The following CELF2 variants were observed in gnomAD, a reference collection of about 807,000 sequenced individuals.
CELF2 encodes the protein CUG triplet repeat RNA-binding protein 2.
A neutral mutation model predicts 62.6 loss-of-function variants in CELF2; 8 were observed. That is an observed-to-expected ratio of 0.13 (90% CI 0.07 to 0.23). The LOEUF is 0.23. Ranked by LOEUF, CELF2 falls within the 10% of genes least tolerant of loss-of-function variation. The probability of loss-of-function intolerance (pLI) is 1.00; values close to 1 mark genes in which losing one functional copy is unlikely to be tolerated. For synonymous variants in CELF2, 258 were observed against 250.0 expected, an observed-to-expected ratio of 1.03 and a Z score of -0.30; for missense variants, 333 against 671.0, an observed-to-expected ratio of 0.50 and a Z score of 5.56.
At chr10:10,740,079 T>G in the CELF2 span, among the ~76,000 whole-genome samples, 1 of 152,122 alleles carries the variant, frequency 6.6e-6, no homozygotes, top group East Asian at 1.9e-4. Flanking sequence ...CTTTTCATTG[T>G]GTTGATTGTT....
At chr10:10,779,649 G>A in the CELF2 span, among the ~76,000 whole-genome samples, 3 of 152,112 alleles carry the variant, frequency 2.0e-5, no homozygotes, top group African/African-American at 7.2e-5. Context: ...ATTCATCTGA[G>A]GAGATATTAT....
chr10:10,685,034 G>A, the CELF2 span, among the ~76,000 whole-genome samples: 2 of 152,094 alleles, frequency 1.3e-5, no homozygotes, highest in African/African-American at 2.4e-5. Flanking sequence ...AGACCAAAAT[G>A]TCAGTTTCTT....
intron 9 of CELF2, among the ~76,000 whole-genome samples, chr10:11,304,799 C>T (rs1301459980): frequency 6.6e-6 from 1 of 152,188 alleles, no homozygotes; most frequent in East Asian, 1.9e-4. Flanking sequence ...AACCATAGCA[C>T]ATTCCATCTA....
intron 1 of CELF2, among the ~76,000 whole-genome samples, chr10:10,875,445 T>A (rs914888216): frequency 2.6e-5 from 4 of 152,218 alleles, no homozygotes; most frequent in African/African-American, 4.8e-5. Context: ...TACAGAGTTA[T>A]TATCTTTCAG....
intron 1 of CELF2, among the ~76,000 whole-genome samples, chr10:10,910,615 G>A (rs551650721): frequency 7.0e-6 from 1 of 143,814 alleles, no homozygotes; most frequent in East Asian, 2.1e-4. Context: ...CAAGAGAATC[G>A]CTTGAACCTG....
chr10:10,990,940 C>T lies in CELF2; in HGVS notation c.89+70941C>T, dbSNP rs543267907. On this transcript the variant is annotated intron_variant, in intron 2 of 13. Transcript: ENST00000636488. The surrounding 1 kb of genome is among the most constrained non-coding windows in gnomAD (Gnocchi z 4.6). Reference sequence around the variant, plus strand: ...AATGAAAATGAAATGCATTCCAGTGCTTACAGCATCTTTTTGAGGTTCTTT... The same window carrying T: ...AATGAAAATGAAATGCATTCCAGTGTTTACAGCATCTTTTTGAGGTTCTTT... Among the ~76,000 whole-genome samples, 1 of 151,928 alleles carries T rather than the reference C, an allele frequency of 6.6e-6. No individual in the cohort carries two copies. The highest frequency in any genetic ancestry group is 1.5e-5 in the Non-Finnish European group (1 of 67,990).
intron 1 of CELF2, among the ~76,000 whole-genome samples, chr10:11,129,733 T>C (rs1337153248): frequency 6.6e-6 from 1 of 152,238 alleles, no homozygotes; most frequent in Non-Finnish European, 1.5e-5. Flanking sequence ...ATCCCCGTTA[T>C]CATTTTTTAT....
rs915320930 is a variant in CELF2, at chr10:11,260,663, T to TA, written c.538+2794dup. ...CCTCCCCATCTGTTTTTTTTTTTTT[T>TA]AAACAGCAGAAAAGTAATTTCTGGT... On this transcript the variant is annotated intron_variant, in intron 5 of 12. Coordinates refer to ENST00000633077, the MANE Select transcript of CELF2 (RefSeq NM_001326342.2). The surrounding 1 kb of genome is among the most constrained non-coding windows in gnomAD (Gnocchi z 4.2). Among the ~76,000 whole-genome samples, 13 of 151,516 alleles carry TA rather than the reference T, an allele frequency of 8.6e-5. No homozygotes were observed. Among genetic ancestry groups the TA allele is most frequent in the African/African-American group, 2.9e-4 (12 of 41,218 alleles).
chr10:11,017,964 A>C lies in CELF2; in HGVS notation c.-126A>C. 1 of 987,688 alleles carries C rather than the reference A, an allele frequency of 1.0e-6. No homozygotes were observed. The highest frequency in any genetic ancestry group is 1.2e-6 in the Non-Finnish European group (1 of 832,892). The allele number at this position is 987,688 out of a possible 1,614,324, so 61.2% of individuals were successfully genotyped here. On this transcript the variant is annotated 5_prime_UTR_variant, in exon 1 of 13. Transcript: ENST00000633077. The surrounding 1 kb of genome is among the most constrained non-coding windows in gnomAD (Gnocchi z 5.5). ...CGGAGCGCGAGGAGAGAATGTGACA[A>C]GTGCCGGCTCGGCGGCCGCCGGGGG...
Position 11,194,315 on chromosome 10 carries a change from C to T in CELF2, c.272-23110C>T, listed in dbSNP as rs74968286. Among the ~76,000 whole-genome samples, 13 of 152,304 alleles carry T rather than the reference C, an allele frequency of 8.5e-5. No individual in the cohort carries two copies. In the South Asian group the frequency reaches 1.4e-3, roughly 17 times the overall value. ...TCTTGACCTCGTGATCCACCTGCCT[C>T]GGCTTCCCAAAGTGCTGGGATTACA... On this transcript the variant is annotated intron_variant, in intron 2 of 12. Coordinates refer to ENST00000633077, the MANE Select transcript of CELF2 (RefSeq NM_001326342.2).
At chr10:10,739,485 A>C in the CELF2 span, among the ~76,000 whole-genome samples, 1 of 152,212 alleles carries the variant, frequency 6.6e-6, no homozygotes, top group Non-Finnish European at 1.5e-5. Context: ...AAAGTTGCAA[A>C]AAATGGTAGA....
intron 2 of CELF2, among the ~76,000 whole-genome samples, chr10:10,998,164 C>T (rs777143770): frequency 6.6e-6 from 1 of 152,212 alleles, no homozygotes; most frequent in Non-Finnish European, 1.5e-5. Flanking sequence ...GTATAAATTA[C>T]CCTGTCTCAG....
chr10:10,576,483 G>T, the CELF2 span, among the ~76,000 whole-genome samples: 1 of 152,264 alleles, frequency 6.6e-6, no homozygotes, highest in East Asian at 1.9e-4. Flanking sequence ...AGACTTCCCA[G>T]TGTATAGGTA....
At chr10:10,684,477 T>C in the CELF2 span, among the ~76,000 whole-genome samples, 1 of 152,280 alleles carries the variant, frequency 6.6e-6, no homozygotes, top group East Asian at 1.9e-4. Context: ...GCACAGTGGC[T>C]CACGCCTGTA....
chr10:10,762,569 A>G, the CELF2 span, among the ~76,000 whole-genome samples: 1 of 152,148 alleles, frequency 6.6e-6, no homozygotes, highest in Non-Finnish European at 1.5e-5. Flanking sequence ...ACGCTCGGGA[A>G]CTGAGACAAC....
the CELF2 span, among the ~76,000 whole-genome samples, chr10:10,631,498 T>TC: frequency 6.6e-6 from 1 of 152,158 alleles, no homozygotes; most frequent in African/African-American, 2.4e-5. Flanking sequence ...GAACGTTTCA[T>TC]CCCACCACCA....
At chr10:10,965,474 C>G (rs2050025449) in intron 2 of CELF2, among the ~76,000 whole-genome samples, 1 of 152,122 alleles carries the variant, frequency 6.6e-6, no homozygotes, top group African/African-American at 2.4e-5. Context: ...ATTAGAATCA[C>G]CTAGAGGTCT....
chr10:10,747,225 CTG>C, the CELF2 span, among the ~76,000 whole-genome samples: 1 of 152,194 alleles, frequency 6.6e-6, no homozygotes, highest in Non-Finnish European at 1.5e-5. Flanking sequence ...CCTACCCACA[CTG>C]GGGTGATAGA....
rs747948927 is a variant in CELF2 at position 10,995,491 on chromosome 10, C to T, written c.89+75492C>T. On this transcript the variant is annotated intron_variant, in intron 2 of 13. Coordinates refer to the CELF2 transcript ENST00000636488. This position sits in a 1 kb window ranked among gnomAD's most constrained non-coding sequence, Gnocchi z 4.7. ...TTGCATTGGTGGAAAACAGCATGAACGAAAGCACAGACACAAGAGAAATTG... is the reference window on the plus strand; with the variant it reads ...TTGCATTGGTGGAAAACAGCATGAATGAAAGCACAGACACAAGAGAAATTG... Among the ~76,000 whole-genome samples the T allele has an allele frequency of 5.3e-5, 8 of 152,018 alleles. No individual in the cohort carries two copies. Among genetic ancestry groups the T allele is most frequent in the East Asian group, 3.9e-4 (2 of 5,194 alleles).
Sources: gnomAD v4.1 joint callset for allele counts (sites outside exome capture counted in the v4.1 genomes callset) on GRCh38, gnomAD v4.1.1 for gene constraint, Gnocchi (gnomAD v3.1) non-coding constraint, MANE v1.5 for transcripts, NCBI Gene and HGNC (gene_info 2026-07-23, HGNC 2026-07-21) for gene names.